ASTN2: variants seen among roughly 807,000 people sequenced by gnomAD.
ASTN2 encodes astrotactin 2.
In ASTN2, 54 loss-of-function variants were observed where a neutral mutation model predicts 139.8. The observed-to-expected ratio is 0.39, with a 90% confidence interval of 0.31 to 0.48. The LOEUF is 0.48. ASTN2 is among the 20% of genes least tolerant of loss of function. The pLI, the probability that ASTN2 is intolerant of heterozygous loss-of-function variation, is 0.95. For synonymous variants in ASTN2, 756 were observed against 719.5 expected (o/e 1.05, Z -0.81); for missense variants, 1,565 against 1,725.1 (o/e 0.91, Z 1.64).
rs931738286 is a variant in ASTN2, at chr9:116,687,351, C to T, written c.2807-35558G>A. 2.0e-5 allele frequency: 13 copies of T among 646,274 alleles called. No individual in the cohort carries two copies. The Admixed American group carries it at 4.9e-4, about 24-fold the overall frequency. 40.0% of individuals were successfully genotyped at this position (646,274 alleles called of 1,614,324 possible). ...GGGAGGCAGGCGGGTGGGCTGCCGG[C>T]GGTGGACTCGTCGGAGCCGCGGGCG... On this transcript the variant is annotated intron_variant, in intron 16 of 22. Transcript: ENST00000313400.
intron 13 of ASTN2, among the ~76,000 whole-genome samples, chr9:116,789,586 A>G (rs1244960535): frequency 6.6e-6 from 1 of 152,238 alleles, no homozygotes; most frequent in Non-Finnish European, 1.5e-5. Context: ...CTGTGATCAT[A>G]TCTTTCATTA....
intron 1 of ASTN2, among the ~76,000 whole-genome samples, chr9:117,338,002 T>A (rs1351201739): frequency 7.9e-5 from 12 of 152,172 alleles, no homozygotes; most frequent in Admixed American, 7.2e-4. Context: ...ATTATCAAAA[T>A]CTAATTTTGT....
intron 19 of ASTN2, among the ~76,000 whole-genome samples, chr9:116,512,001 C>T (rs1182941628): frequency 2.0e-5 from 3 of 152,098 alleles, no homozygotes; most frequent in African/African-American, 7.2e-5. Context: ...GTCTCTAACT[C>T]CTTCAGTCCT....
intron 16 of ASTN2, among the ~76,000 whole-genome samples, chr9:116,658,710 C>A (rs1351353774): frequency 3.4e-5 from 5 of 145,856 alleles, no homozygotes; most frequent in Non-Finnish European, 7.4e-5. Flanking sequence ...GCAAGTATGA[C>A]CTTCCTAATC....
chr9:117,137,018 A>T (rs544804362), intron 4 of ASTN2, among the ~76,000 whole-genome samples: 1 of 144,022 alleles, frequency 6.9e-6, no homozygotes, highest in East Asian at 2.0e-4. Flanking sequence ...AACCTATGGA[A>T]TTTCTTCTGT....
chr9:117,116,049 T>TATATATATATATATATATATATATATAA lies in ASTN2; in HGVS notation c.1169-19899_1169-19898insTTATATATATATATATATATATATATAT, dbSNP rs1829381140. 2.0e-5 allele frequency among the ~76,000 whole-genome samples: 3 copies of TATATATATATATATATATATATATATAA among 150,876 alleles called. 1 individual carries two copies. Among genetic ancestry groups the TATATATATATATATATATATATATATAA allele is most frequent in the African/African-American group, 7.3e-5 (3 of 40,908 alleles). On this transcript the variant is annotated intron_variant, in intron 4 of 22. Coordinates refer to ENST00000313400, the MANE Select transcript of ASTN2 (RefSeq NM_001365068.1). ...CAAAAAAAAAATGCATATATATATA[T>TATATATATATATATATATATATATATAA]ATATTGCTCCCATCCAAGAGCTCAC... is the stretch of plus-strand genomic sequence containing the variant.
chr9:116,652,057 C>G (rs577203537), intron 16 of ASTN2, among the ~76,000 whole-genome samples: 1 of 152,216 alleles, frequency 6.6e-6, no homozygotes, highest in South Asian at 2.1e-4. Context: ...AAAGTTGGGG[C>G]CAGGCACAAT....
chr9:116,786,745 T>C (rs1277693173), intron 13 of ASTN2, among the ~76,000 whole-genome samples: 1 of 152,188 alleles, frequency 6.6e-6, no homozygotes, highest in Non-Finnish European at 1.5e-5. Flanking sequence ...TATGCTGATA[T>C]GGTTTGGCTG....
intron 11 of ASTN2, among the ~76,000 whole-genome samples, chr9:116,845,519 T>TA (rs1385654339): frequency 1.6e-4 from 25 of 152,030 alleles, no homozygotes; most frequent in Admixed American, 1.6e-3. Context: ...TGGCTTATGA[T>TA]AAAAAATGTG....
intron 2 of ASTN2, among the ~76,000 whole-genome samples, chr9:117,260,352 T>C (rs1833792532): frequency 6.6e-6 from 1 of 152,150 alleles, no homozygotes; most frequent in South Asian, 2.1e-4. Flanking sequence ...CTTCTAAAGG[T>C]CTACCATCAA....
At chr9:116,902,517 C>G (rs1483619418) in intron 10 of ASTN2, among the ~76,000 whole-genome samples, 3 of 152,004 alleles carry the variant, frequency 2.0e-5, no homozygotes, top group Admixed American at 2.0e-4. Context: ...CAATTGCCTA[C>G]AGTATTCAGT....
rs113282368 is a variant in ASTN2, at chr9:117,334,484, C to CTTT, written c.443-42974_443-42972dup. 1.5e-3 allele frequency among the ~76,000 whole-genome samples: 210 copies of CTTT among 140,504 alleles called. 1 individual carries two copies. Among genetic ancestry groups the CTTT allele is most frequent in the African/African-American group, 5.4e-3 (205 of 38,030 alleles). 92.2% of individuals were successfully genotyped at this position (140,504 alleles called of 152,430 possible). Reference sequence around the variant, plus strand: ...TTACATGAGAAGTGGTATATCAGGGCTTTTTTTTTTTTTTTGACGGTGGAG... The same window carrying CTTT: ...TTACATGAGAAGTGGTATATCAGGGCTTTTTTTTTTTTTTTTTTGACGGTGGAG... On this transcript the variant is annotated intron_variant, in intron 1 of 22. Coordinates refer to ENST00000313400, the MANE Select transcript of ASTN2 (RefSeq NM_001365068.1).
intron 7 of ASTN2, among the ~76,000 whole-genome samples, chr9:116,989,845 A>G (rs1418020698): frequency 6.6e-6 from 1 of 152,092 alleles, no homozygotes; most frequent in East Asian, 1.9e-4. Context: ...CGGCCTCCCA[A>G]AGTGCTGGGA....
chr9:117,257,794 A>G (rs752084516), intron 2 of ASTN2, among the ~76,000 whole-genome samples: 32 of 152,198 alleles, frequency 2.1e-4, no homozygotes, highest in Non-Finnish European at 4.3e-4. Context: ...AGTGGACTAA[A>G]TGTATAAAAG....
intron 3 of ASTN2, among the ~76,000 whole-genome samples, chr9:117,189,328 A>G (rs1337715377): frequency 6.6e-6 from 1 of 152,174 alleles, no homozygotes; most frequent in Non-Finnish European, 1.5e-5. Flanking sequence ...AGACAAAGGC[A>G]TGGGCTGGAA....
intron 4 of ASTN2, among the ~76,000 whole-genome samples, chr9:117,137,298 G>A (rs935294096): frequency 2.0e-5 from 3 of 152,204 alleles, no homozygotes; most frequent in South Asian, 2.1e-4. Context: ...ACTGGTTCTC[G>A]GCTACCCATT....
At chr9:116,874,894 C>A (rs1413894991) in intron 10 of ASTN2, among the ~76,000 whole-genome samples, 2 of 152,160 alleles carry the variant, frequency 1.3e-5, no homozygotes, top group Non-Finnish European at 2.9e-5. Context: ...GTAGTTCTCA[C>A]AATATTTCAA....
intron 19 of ASTN2, among the ~76,000 whole-genome samples, chr9:116,488,222 T>C (rs541959319): frequency 6.6e-5 from 10 of 152,172 alleles, no homozygotes; most frequent in Non-Finnish European, 1.5e-4. Context: ...TTTTAAGAAG[T>C]AGTGGAAGTT....
chr9:116,624,065 T>A (rs1306574835), intron 17 of ASTN2, among the ~76,000 whole-genome samples: 25 of 152,198 alleles, frequency 1.6e-4, no homozygotes, highest in Admixed American at 1.6e-3. Flanking sequence ...TTGGTTTTCA[T>A]AACGAAGGTT....
Sources: allele counts gnomAD v4.1 joint callset (sites outside exome capture counted in the v4.1 genomes callset), GRCh38; gene constraint gnomAD v4.1.1; transcripts MANE v1.5; gene names NCBI Gene and HGNC (gene_info 2026-07-23, HGNC 2026-07-21).